ANKRD11: variants seen among roughly 807,000 people sequenced by gnomAD.
ANKRD11 encodes ankyrin repeat domain-containing protein 11.
In ANKRD11, 17 loss-of-function variants were observed where a neutral mutation model predicts 195.7. The observed-to-expected ratio is 0.09, with a 90% CI of 0.06 to 0.13. ANKRD11 has a LOEUF of 0.13. ANKRD11 is among the 10% of genes least tolerant of loss of function. The pLI, the probability that ANKRD11 is intolerant of heterozygous loss-of-function variation, is 1.00. For synonymous variants in ANKRD11, 1,953 were observed against 1,528.1 expected (o/e 1.28, Z -6.49); for missense variants, 3,735 against 3,566.1 (o/e 1.05, Z -1.21).
chr16:89,445,331 C>G (rs751051276), intron 1 of ANKRD11, among the ~76,000 whole-genome samples: 19 of 152,162 alleles, frequency 1.2e-4, no homozygotes, highest in Non-Finnish European at 2.5e-4. Flanking sequence ...TCAGCCGTTT[C>G]GAACCACTGG....
intron 4 of ANKRD11, among the ~76,000 whole-genome samples, chr16:89,303,135 A>C (rs2035956981): frequency 6.6e-6 from 1 of 152,206 alleles, no homozygotes; most frequent in Admixed American, 6.5e-5. Context: ...ACCAAGTGGG[A>C]TCATTCTCCC....
chr16:89,327,154 T>C (rs3114896), intron 2 of ANKRD11, among the ~76,000 whole-genome samples: 57,598 of 151,854 alleles, frequency 0.38, 13,092 homozygotes, highest in Non-Finnish European at 0.53. Context: ...CAGCGAAATA[T>C]GTAAGGCTGG....
chr16:89,472,760 G>A (rs2085655125), intron 1 of ANKRD11, among the ~76,000 whole-genome samples: 1 of 152,188 alleles, frequency 6.6e-6, no homozygotes, highest in Admixed American at 6.5e-5. Context: ...TTAGTGGAAA[G>A]GAAGTAAAAG....
intron 3 of ANKRD11, among the ~76,000 whole-genome samples, chr16:89,312,187 C>T (rs556506186): frequency 4.6e-5 from 7 of 152,280 alleles, no homozygotes; most frequent in East Asian, 1.9e-4. Context: ...TGTGAGCCAC[C>T]GCACCTGGCC....
In ANKRD11 at chr16:89,270,926, C is replaced by A. The variant is rs753869879; in HGVS notation, c.7714-17G>T. The stretch of plus-strand genomic sequence containing the variant: ...CTCGTCACCCTGTGGAAACCAAACA[C>A]GGGAGTTTCATCAGGAGCCCCAGAG... On this transcript the variant is annotated splice_polypyrimidine_tract_variant and intron_variant, in intron 11 of 12. Coordinates refer to ENST00000301030, the MANE Select transcript of ANKRD11 (RefSeq NM_013275.6). 3 of 1,613,538 alleles carry A rather than the reference C, an allele frequency of 1.9e-6. No individual in the cohort carries two copies. The highest frequency in any genetic ancestry group is 2.5e-6 in the Non-Finnish European group (3 of 1,179,730).
At chr16:89,465,957 G>A (rs1271838758) in intron 1 of ANKRD11, among the ~76,000 whole-genome samples, 4 of 152,048 alleles carry the variant, frequency 2.6e-5, no homozygotes, top group African/African-American at 4.8e-5. Context: ...TGATCTGCCC[G>A]CCTCGGCCTC....
chr16:89,439,258 T>C (rs766698269), intron 1 of ANKRD11, among the ~76,000 whole-genome samples: 5 of 152,158 alleles, frequency 3.3e-5, no homozygotes, highest in South Asian at 2.1e-4. Flanking sequence ...TTTTCCAGTA[T>C]AGACAACTGA....
intron 1 of ANKRD11, among the ~76,000 whole-genome samples, chr16:89,469,488 G>A (rs2056997138): frequency 6.6e-6 from 1 of 152,058 alleles, no homozygotes; most frequent in Non-Finnish European, 1.5e-5. Context: ...CTCCCGAAGT[G>A]CTAGAATTAC....
At chr16:89,294,986 A>G (rs1362510528) in intron 4 of ANKRD11, among the ~76,000 whole-genome samples, 1 of 152,228 alleles carries the variant, frequency 6.6e-6, no homozygotes, top group Middle Eastern at 3.2e-3. Flanking sequence ...CATTCTGCAA[A>G]TTTCCTGTTT....
Position 89,438,482 on chromosome 16 carries a change from G to A in ANKRD11, c.-144-20114C>T, listed in dbSNP as rs565985213. Among the ~76,000 whole-genome samples the A allele has an allele frequency of 6.6e-5, 10 of 152,202 alleles. No homozygotes were observed. In the East Asian group the frequency reaches 1.9e-3, roughly 29 times the overall value. ...CTACTGGCGTGTGCTACCACATCCA[G>A]CTAATTTGTGTGTGTGTGTGCGTAT... On this transcript the variant is annotated intron_variant, in intron 1 of 12. Transcript: ENST00000301030.
intron 2 of ANKRD11, among the ~76,000 whole-genome samples, chr16:89,367,340 C>T (rs367810145): frequency 1.6e-4 from 24 of 152,334 alleles, no homozygotes; most frequent in African/African-American, 5.8e-4. Flanking sequence ...AGCACAGTGG[C>T]GGCGCCCAGA....
At chr16:89,428,220 T>C (rs1321364783) in intron 1 of ANKRD11, among the ~76,000 whole-genome samples, 1 of 149,638 alleles carries the variant, frequency 6.7e-6, no homozygotes, top group Non-Finnish European at 1.5e-5. Flanking sequence ...AAAAATAGAT[T>C]AATTAATTAA....
chr16:89,488,538 G>C (rs1437608766), intron 1 of ANKRD11, among the ~76,000 whole-genome samples: 1 of 151,618 alleles, frequency 6.6e-6, no homozygotes, highest in East Asian at 1.9e-4. Context: ...TTCCAGGGCA[G>C]CCAATACTTA....
At chr16:89,342,365 T>C (rs539892076) in intron 2 of ANKRD11, among the ~76,000 whole-genome samples, 40 of 152,338 alleles carry the variant, frequency 2.6e-4, no homozygotes, top group African/African-American at 9.4e-4. Flanking sequence ...TCGGAAAACG[T>C]TGAACTCCCC....
At chr16:89,359,553 C>G (rs114906336) in intron 2 of ANKRD11, among the ~76,000 whole-genome samples, 3,191 of 152,304 alleles carry the variant, frequency 0.021, 124 homozygotes, top group African/African-American at 0.073. Context: ...AGTCTTGATT[C>G]TTCAGGCTAA....
At chr16:89,311,252 T>C (rs1445633241) in intron 3 of ANKRD11, among the ~76,000 whole-genome samples, 1 of 152,252 alleles carries the variant, frequency 6.6e-6, no homozygotes, top group Non-Finnish European at 1.5e-5. Context: ...TCATGGTACA[T>C]TATTCATTTT....
chr16:89,356,378 T>A lies in ANKRD11; in HGVS notation c.-59-39300A>T, dbSNP rs572292649. 2.0e-5 allele frequency among the ~76,000 whole-genome samples: 3 copies of A among 151,982 alleles called. No homozygotes were observed. The East Asian group carries it at 5.8e-4, about 29-fold the overall frequency. On this transcript the variant is annotated intron_variant, in intron 2 of 12. Transcript: ENST00000301030. ...ATGTGATCCATCAGCCAACCCTGCC[T>A]AGATGATGACACCAGCTCCGGAAGC...
intron 1 of ANKRD11, among the ~76,000 whole-genome samples, chr16:89,460,904 C>T (rs954671135): frequency 6.7e-6 from 1 of 149,648 alleles, no homozygotes; most frequent in Non-Finnish European, 1.5e-5. Flanking sequence ...TGACCCCCCA[C>T]CCCTTACAGG....
chr16:89,460,688 G>A (rs796494580), intron 1 of ANKRD11, among the ~76,000 whole-genome samples: 6 of 152,206 alleles, frequency 3.9e-5, no homozygotes, highest in South Asian at 2.1e-4. Context: ...AGTGATCCAC[G>A]ATCACACCAC....
Sources: allele counts gnomAD v4.1 joint callset (sites outside exome capture counted in the v4.1 genomes callset), GRCh38; gene constraint gnomAD v4.1.1; transcripts MANE v1.5; gene names NCBI Gene and HGNC (gene_info 2026-07-23, HGNC 2026-07-21).